The following SGCD variants were observed in gnomAD, a reference collection of about 807,000 sequenced individuals.
The protein encoded by SGCD is delta-sarcoglycan.
SGCD carries 18 observed loss-of-function variants against 36.6 expected under a neutral mutation model. The observed-to-expected ratio is 0.49, with a 90% CI of 0.34 to 0.73. SGCD has a LOEUF of 0.73. Among genes scored for constraint, SGCD ranks in the 30% least tolerant of loss-of-function variants. The pLI is 0.01. For synonymous variants in SGCD, 133 were observed against 130.6 expected, an observed-to-expected ratio of 1.02 and a Z score of -0.12; for missense variants, 387 against 346.7, an observed-to-expected ratio of 1.12 and a Z score of -0.92.
intron 3 of SGCD, among the ~76,000 whole-genome samples, chr5:156,196,486 G>T (rs941907334): frequency 6.6e-6 from 1 of 152,130 alleles, no homozygotes; most frequent in African/African-American, 2.4e-5. Flanking sequence ...ATTTGTGCAG[G>T]TGTTTAATGT....
intron 1 of SGCD, among the ~76,000 whole-genome samples, chr5:155,928,948 A>G (rs1757048400): frequency 6.6e-6 from 1 of 152,096 alleles, no homozygotes; most frequent in South Asian, 2.1e-4. Context: ...TGAACTTTAC[A>G]TGTATTTTTA....
At chr5:156,610,514 G>T (rs1212501341) in intron 6 of SGCD, among the ~76,000 whole-genome samples, 1 of 152,250 alleles carries the variant, frequency 6.6e-6, no homozygotes, top group Non-Finnish European at 1.5e-5. Flanking sequence ...GGGGCAGTCT[G>T]TCCGTTCTCA....
At chr5:156,071,649 G>A (rs146975160) in intron 1 of SGCD, among the ~76,000 whole-genome samples, 9,977 of 152,118 alleles carry the variant, frequency 0.066, 1,040 homozygotes, top group African/African-American at 0.22. Flanking sequence ...TATTAGGTCC[G>A]CTTGGTGCAG....
At chr5:156,538,854 C>A (rs568422595) in intron 4 of SGCD, among the ~76,000 whole-genome samples, 3 of 152,014 alleles carry the variant, frequency 2.0e-5, no homozygotes, top group East Asian at 1.9e-4. Context: ...TTCAAAATTT[C>A]TTTGTTCCAG....
intron 6 of SGCD, among the ~76,000 whole-genome samples, chr5:156,635,223 T>G (rs1762780436): frequency 6.6e-6 from 1 of 152,038 alleles, no homozygotes; most frequent in African/African-American, 2.4e-5. Context: ...ACCTTGGCCC[T>G]AAAAGTTTTT....
At chr5:156,069,520 A>C (rs1340039042) in intron 1 of SGCD, among the ~76,000 whole-genome samples, 2 of 152,090 alleles carry the variant, frequency 1.3e-5, no homozygotes. Flanking sequence ...TGTTTTGGTT[A>C]CTGTAGCCTT....
intron 1 of SGCD, among the ~76,000 whole-genome samples, chr5:156,089,596 A>T (rs1761190089): frequency 6.6e-6 from 1 of 152,084 alleles, no homozygotes; most frequent in African/African-American, 2.4e-5. Flanking sequence ...ACCAAAAGAA[A>T]CCTATAATTC....
intron 8 of SGCD, among the ~76,000 whole-genome samples, chr5:156,758,252 G>C (rs372922723): frequency 4.6e-5 from 7 of 152,128 alleles, no homozygotes; most frequent in African/African-American, 1.7e-4. Context: ...CAGAAATGCT[G>C]CTTGTGTTTT....
chr5:156,761,934 T>C lies in SGCD; in HGVS notation c.*2544T>C, dbSNP rs1561902377. ...TTTCATTTATGCTAAGTGACCACAG[T>C]ATACAAAGTAATAAGCAGGAAATTT... On this transcript the variant is annotated 3_prime_UTR_variant, in exon 9 of 9. Coordinates refer to ENST00000337851, the MANE Select transcript of SGCD (RefSeq NM_000337.6). 6.6e-6 allele frequency: 1 copy of C among 152,420 alleles called. No individual in the cohort carries two copies. Among genetic ancestry groups the C allele is most frequent in the Admixed American group, 6.5e-5 (1 of 15,284 alleles). 9.4% of individuals were successfully genotyped at this position (152,420 alleles called of 1,614,324 possible). A position where few individuals can be genotyped will look rare whatever the true frequency, so the allele number is the denominator to read the frequency against.
At chr5:156,614,330 G>T (rs965022910) in intron 6 of SGCD, among the ~76,000 whole-genome samples, 1 of 152,168 alleles carries the variant, frequency 6.6e-6, no homozygotes, top group African/African-American at 2.4e-5. Flanking sequence ...AGAGCACATG[G>T]CAGAGTCAGG....
chr5:155,910,687 T>C (rs1756611876), intron 1 of SGCD, among the ~76,000 whole-genome samples: 1 of 152,114 alleles, frequency 6.6e-6, no homozygotes, highest in African/African-American at 2.4e-5. Flanking sequence ...TTATTTTTCC[T>C]CCTTGAGGAT....
At chr5:156,735,707 G>A (rs1756321359) in intron 7 of SGCD, among the ~76,000 whole-genome samples, 1 of 152,110 alleles carries the variant, frequency 6.6e-6, no homozygotes, top group South Asian at 2.1e-4. Context: ...ATCCTGTGAG[G>A]TGCCATAAAA....
In SGCD at chr5:156,759,327, A is replaced by C; in HGVS notation, c.810A>C (p.Arg270Ser). 1 of 1,613,334 alleles carries C rather than the reference A, an allele frequency of 6.2e-7. No individual in the cohort carries two copies. Among genetic ancestry groups the C allele is most frequent in the Non-Finnish European group, 8.5e-7 (1 of 1,179,422 alleles). ...VFEICVCANG[R>S]LFLSQAGAGS... Reference sequence around the variant, plus strand: ...AGATCTGCGTCTGCGCCAATGGGAGATTATTCCTGTCTCAGGCAGGAGCTG... The same window carrying C: ...AGATCTGCGTCTGCGCCAATGGGAGCTTATTCCTGTCTCAGGCAGGAGCTG... The change falls in exon 9 of 9, where the codon AGA (arginine) becomes AGC (serine). Residue 270 changes from arginine (R) to serine (S), a missense_variant. Coordinates refer to ENST00000337851, the MANE Select transcript of SGCD (RefSeq NM_000337.6).
At chr5:155,757,542 G>A in the SGCD span, among the ~76,000 whole-genome samples, 1 of 152,300 alleles carries the variant, frequency 6.6e-6, no homozygotes, top group East Asian at 1.9e-4. Flanking sequence ...TGACAGAGCA[G>A]GATGATCGAC....
chr5:156,709,840 C>T (rs4141659), intron 7 of SGCD, among the ~76,000 whole-genome samples: 4 of 133,372 alleles, frequency 3.0e-5, no homozygotes, highest in East Asian at 2.2e-4. Context: ...CCCTCCCCCC[C>T]GACGCCGCCA....
chr5:156,181,164 G>T (rs943652147), intron 3 of SGCD, among the ~76,000 whole-genome samples: 1 of 152,120 alleles, frequency 6.6e-6, no homozygotes, highest in African/African-American at 2.4e-5. Flanking sequence ...TTTTAAAAGC[G>T]CTCAGCATGC....
At chr5:156,206,612 T>C (rs906327502) in intron 3 of SGCD, among the ~76,000 whole-genome samples, 5 of 152,076 alleles carry the variant, frequency 3.3e-5, no homozygotes, top group African/African-American at 1.2e-4. Flanking sequence ...TTAAATGGCT[T>C]TATGTAACAT....
intron 1 of SGCD, among the ~76,000 whole-genome samples, chr5:156,028,862 A>G (rs1170783897): frequency 1.3e-5 from 2 of 152,192 alleles, no homozygotes; most frequent in Non-Finnish European, 2.9e-5. Context: ...CTTGTCAAAG[A>G]AAGATTTTTA....
At chr5:156,261,296 G>A (rs1765855327) in intron 3 of SGCD, among the ~76,000 whole-genome samples, 1 of 152,086 alleles carries the variant, frequency 6.6e-6, no homozygotes, top group Admixed American at 6.6e-5. Flanking sequence ...TTTTAAGAAC[G>A]TACTTATTTT....
Sources: allele counts gnomAD v4.1 joint callset (sites outside exome capture counted in the v4.1 genomes callset), GRCh38; gene constraint gnomAD v4.1.1; transcripts MANE v1.5; gene names NCBI Gene and HGNC (gene_info 2026-07-23, HGNC 2026-07-21).